SORCS3: variants seen among roughly 807,000 people sequenced by gnomAD.
The protein encoded by SORCS3 is sortilin related VPS10 domain containing receptor 3.
Under a neutral mutation model 146.3 loss-of-function variants are expected in SORCS3, and 57 were observed. The ratio of observed to expected loss-of-function variants is 0.39; its 90% CI spans 0.31 to 0.49. SORCS3 has a LOEUF of 0.49. Ranked by LOEUF, SORCS3 falls within the 20% of genes least tolerant of loss-of-function variation. The pLI, the probability that SORCS3 is intolerant of heterozygous loss-of-function variation, is 0.92. For synonymous variants in SORCS3, 653 were observed against 618.5 expected (o/e 1.06, Z -0.83); for missense variants, 1,341 against 1,575.5 (o/e 0.85, Z 2.52).
rs115188146 is a variant in SORCS3 at position 105,111,207 on chromosome 10, C to T, written c.1212+5692C>T. 3.7e-3 allele frequency among the ~76,000 whole-genome samples: 565 copies of T among 152,292 alleles called. 5 individuals carry two copies. The highest frequency in any genetic ancestry group is 0.013 in the African/African-American group (543 of 41,566). On this transcript the variant is annotated intron_variant, in intron 7 of 26. Transcript: ENST00000369701. ...CTGCCTGGGATGTCCCTTTACCAGA[C>T]AAATTTATTATTTAAATTTAGGACA...
chr10:105,251,483 G>T (rs1043318396), intron 22 of SORCS3, among the ~76,000 whole-genome samples: 1 of 152,114 alleles, frequency 6.6e-6, no homozygotes, highest in Non-Finnish European at 1.5e-5. Context: ...CATGTGTCAC[G>T]GTGGACATGG....
intron 1 of SORCS3, among the ~76,000 whole-genome samples, chr10:104,724,471 G>C (rs1304878275): frequency 1.3e-5 from 2 of 151,842 alleles, no homozygotes; most frequent in African/African-American, 4.8e-5. Context: ...TGCTCTTCTC[G>C]AGGAGTATCT....
intron 1 of SORCS3, among the ~76,000 whole-genome samples, chr10:104,706,852 T>C (rs1396484535): frequency 6.6e-6 from 1 of 152,254 alleles, no homozygotes; most frequent in Non-Finnish European, 1.5e-5. Flanking sequence ...TGACTTTTTC[T>C]TCTAAACGTG....
intron 3 of SORCS3, among the ~76,000 whole-genome samples, chr10:104,959,509 T>C (rs1052267107): frequency 6.6e-6 from 1 of 152,090 alleles, no homozygotes; most frequent in Non-Finnish European, 1.5e-5. Context: ...GCCTTGGTAT[T>C]GGACTTTCCA....
intron 1 of SORCS3, among the ~76,000 whole-genome samples, chr10:104,669,895 T>A (rs966299775): frequency 8.8e-6 from 1 of 114,026 alleles, no homozygotes; most frequent in African/African-American, 3.6e-5. Flanking sequence ...ACACTTTCTG[T>A]TTTTTTTTTT....
chr10:105,199,146 G>T (rs185123685), intron 14 of SORCS3, among the ~76,000 whole-genome samples: 2 of 152,100 alleles, frequency 1.3e-5, no homozygotes, highest in African/African-American at 4.8e-5. Flanking sequence ...AGCATGATCG[G>T]TCTCCCCTTT....
At chr10:104,772,327 G>T (rs1229054728) in intron 1 of SORCS3, among the ~76,000 whole-genome samples, 1 of 152,170 alleles carries the variant, frequency 6.6e-6, no homozygotes, top group Non-Finnish European at 1.5e-5. Context: ...ACTCCCAGCT[G>T]CTTGCTCTCC....
In SORCS3 at chr10:105,042,469, T is replaced by C. The variant is rs572268732; in HGVS notation, c.955-586T>C. Among the ~76,000 whole-genome samples, 254 of 152,282 alleles carry C rather than the reference T, an allele frequency of 1.7e-3. 3 individuals carry two copies. Among genetic ancestry groups the C allele is most frequent in the South Asian group, 5.4e-3 (26 of 4,820 alleles). On this transcript the variant is annotated intron_variant, in intron 4 of 26. Transcript: ENST00000369701. Reference sequence around the variant, plus strand: ...CAGTTGAAAATATACCCAATACTCCTAGTTAGTCACTTATAGGGATGCTGG... The same window carrying C: ...CAGTTGAAAATATACCCAATACTCCCAGTTAGTCACTTATAGGGATGCTGG...
At position 104,699,507 on chromosome 10, in the gene SORCS3, G is replaced by A. The variant is rs77650151; in HGVS notation, c.627+57553G>A. ...CCCAACTGGCTCTTGACAAGTATGT[G>A]GGCTCAGCGTGTTAGATGAATGAGT... is the stretch of plus-strand genomic sequence containing the variant. On this transcript the variant is annotated intron_variant, in intron 1 of 26. Transcript: ENST00000369701. Among the ~76,000 whole-genome samples the A allele has an allele frequency of 7.8e-3, 1,193 of 152,218 alleles. 11 individuals carry two copies. The highest frequency in any genetic ancestry group is 0.025 in the African/African-American group (1,058 of 41,534).
chr10:104,683,554 T>G (rs1158823157), intron 1 of SORCS3, among the ~76,000 whole-genome samples: 3 of 152,210 alleles, frequency 2.0e-5, no homozygotes, highest in African/African-American at 7.2e-5. Context: ...TTTACCCTTT[T>G]GCCTTGATGC....
At chr10:105,166,520 C>T (rs571837125) in intron 12 of SORCS3, among the ~76,000 whole-genome samples, 3 of 152,080 alleles carry the variant, frequency 2.0e-5, no homozygotes, top group African/African-American at 7.2e-5. Flanking sequence ...TAACTCGGAA[C>T]CTTGTATTGA....
chr10:105,046,077 A>C (rs1344904671), intron 5 of SORCS3, among the ~76,000 whole-genome samples: 3 of 152,156 alleles, frequency 2.0e-5, no homozygotes, highest in African/African-American at 7.2e-5. Flanking sequence ...AACATGCATG[A>C]AAATGATTTC....
At chr10:104,980,038 A>G (rs944866499) in intron 4 of SORCS3, among the ~76,000 whole-genome samples, 1 of 152,206 alleles carries the variant, frequency 6.6e-6, no homozygotes, top group Non-Finnish European at 1.5e-5. Flanking sequence ...CTTTGCCTCC[A>G]TCTCCACAGC....
chr10:105,217,569 G>A lies in SORCS3; in HGVS notation c.2734+447G>A, dbSNP rs189954808. Among the ~76,000 whole-genome samples the A allele has an allele frequency of 3.0e-4, 46 of 152,264 alleles. 1 individual carries two copies. Among genetic ancestry groups the A allele is most frequent in the African/African-American group, 9.9e-4 (41 of 41,546 alleles). ...AGCCAGAGAAGGATTAAAGAAACAT[G>A]TTTAGATATTTTTAATTTAGAACTA... On this transcript the variant is annotated intron_variant, in intron 19 of 26. Transcript: ENST00000369701.
chr10:105,009,938 G>A (rs10884078), intron 4 of SORCS3, among the ~76,000 whole-genome samples: 27,978 of 151,896 alleles, frequency 0.18, 2,609 homozygotes, highest in South Asian at 0.24. Flanking sequence ...TAATTGAAAG[G>A]CTATTGAAAT....
chr10:105,115,189 C>T (rs180806491), intron 7 of SORCS3, among the ~76,000 whole-genome samples: 22 of 152,230 alleles, frequency 1.4e-4, no homozygotes, highest in South Asian at 4.2e-4. Context: ...CCAGGAAATA[C>T]GACACAAGTC....
chr10:104,673,794 A>G (rs1212759537), intron 1 of SORCS3, among the ~76,000 whole-genome samples: 3 of 152,114 alleles, frequency 2.0e-5, no homozygotes, highest in South Asian at 2.1e-4. Flanking sequence ...TGTGGTTACC[A>G]TAGGGATTAT....
At chr10:105,019,351 C>T (rs1457542629) in intron 4 of SORCS3, among the ~76,000 whole-genome samples, 2 of 152,182 alleles carry the variant, frequency 1.3e-5, no homozygotes, top group Admixed American at 6.5e-5. Context: ...GTCTCCATTG[C>T]CCACACTTCA....
At chr10:104,987,101 C>A (rs7086286) in intron 4 of SORCS3, among the ~76,000 whole-genome samples, 35,400 of 151,286 alleles carry the variant, frequency 0.23, 5,841 homozygotes, top group African/African-American at 0.47. Flanking sequence ...TATACAACTG[C>A]GTACATAATA....
Sources: allele counts gnomAD v4.1 joint callset (sites outside exome capture counted in the v4.1 genomes callset), GRCh38; gene constraint gnomAD v4.1.1; transcripts MANE v1.5; gene names NCBI Gene and HGNC (gene_info 2026-07-23, HGNC 2026-07-21).